Variants in VPS13B observed in about 807,000 individuals in gnomAD.
VPS13B encodes vacuolar protein sorting 13 homolog B.
Under a neutral mutation model 426.4 loss-of-function variants are expected in VPS13B, and 285 were observed. The ratio of observed to expected loss-of-function variants is 0.67; its 90% CI spans 0.61 to 0.74. The LOEUF (loss-of-function observed/expected upper bound fraction) is 0.74. Ranked by LOEUF, VPS13B falls within the 30% of genes least tolerant of loss-of-function variation. The pLI is 0.00. For synonymous variants in VPS13B, 1,676 were observed against 1,676.4 expected (o/e 1.00, Z 0.01); for missense variants, 4,537 against 4,782.6 (o/e 0.95, Z 1.51).
rs1813702823 is a variant in VPS13B, at chr8:99,193,179, G to A, written c.2515+122G>A. On this transcript the variant is annotated intron_variant, in intron 17 of 61. Coordinates refer to ENST00000357162, the MANE Select transcript of VPS13B (RefSeq NM_152564.5). Reference sequence around the variant, plus strand: ...TAAATTGTAATATGTTTCTTTGAATGTAGATATTTATAGCTTATGTTTAAA... The same window carrying A: ...TAAATTGTAATATGTTTCTTTGAATATAGATATTTATAGCTTATGTTTAAA... 4 of 1,016,024 alleles carry A rather than the reference G, an allele frequency of 3.9e-6. No homozygotes were observed. The Admixed American group carries it at 7.0e-5, about 18-fold the overall frequency. 62.9% of individuals were successfully genotyped at this position (1,016,024 alleles called of 1,614,324 possible).
At chr8:99,263,971 G>A (rs1392253196) in intron 17 of VPS13B, among the ~76,000 whole-genome samples, 1 of 152,014 alleles carries the variant, frequency 6.6e-6, no homozygotes, top group Non-Finnish European at 1.5e-5. Context: ...CAGTATGAAC[G>A]TATTATAAAC....
Position 99,143,023 on chromosome 8 carries a change from A to G in VPS13B, c.1701A>G (p.Gly567=), listed in dbSNP as rs1233669833. 1.9e-6 allele frequency: 3 copies of G among 1,613,710 alleles called. No homozygotes were observed. The highest frequency in any genetic ancestry group is 2.5e-6 in the Non-Finnish European group (3 of 1,179,910). Reference sequence around the variant, plus strand: ...CTTCAGGGAAAAGTGAAGATTTGGGAACAGTTCAGGAGAAGTCCACCAAAA... The same window carrying G: ...CTTCAGGGAAAAGTGAAGATTTGGGGACAGTTCAGGAGAAGTCCACCAAAA... ...DFSSGKSEDL[G]TVQEKSTKSL... Residue 567 remains glycine (G), a synonymous_variant, in exon 13 of 62, where the codon GGA becomes GGG. Transcript: ENST00000357162.
chr8:99,875,680 T>C lies in VPS13B; in HGVS notation c.*14T>C. On this transcript the variant is annotated 3_prime_UTR_variant, in exon 62 of 62. Transcript: ENST00000357162. Reference sequence around the variant, plus strand: ...GGGTTTCCTTGAGTCCCCTCTGAGGTGTTTATTCCTGCTTGTGTGATTTAG... The same window carrying C: ...GGGTTTCCTTGAGTCCCCTCTGAGGCGTTTATTCCTGCTTGTGTGATTTAG... 6.2e-7 allele frequency: 1 copy of C among 1,613,566 alleles called. No individual in the cohort carries two copies. The highest frequency in any genetic ancestry group is 1.3e-5 in the African/African-American group (1 of 74,606).
intron 2 of VPS13B, among the ~76,000 whole-genome samples, chr8:99,017,401 G>T (rs1841677022): frequency 6.6e-6 from 1 of 151,878 alleles, no homozygotes; most frequent in African/African-American, 2.4e-5. Context: ...AGACTTGGTT[G>T]GTATCTCAGT....
intron 19 of VPS13B, among the ~76,000 whole-genome samples, chr8:99,287,988 C>T (rs1036926923): frequency 2.0e-5 from 3 of 151,790 alleles, no homozygotes; most frequent in Non-Finnish European, 4.4e-5. Flanking sequence ...ATCCAAGATG[C>T]GTTTGAAAGA....
chr8:99,860,944 C>T (rs1388352325), intron 57 of VPS13B, among the ~76,000 whole-genome samples: 2 of 152,214 alleles, frequency 1.3e-5, no homozygotes, highest in Admixed American at 6.5e-5. Flanking sequence ...ACAATAATTA[C>T]ATCCTCAGAA....
chr8:99,452,658 A>T (rs1320757192), intron 23 of VPS13B, among the ~76,000 whole-genome samples: 2 of 152,216 alleles, frequency 1.3e-5, no homozygotes, highest in African/African-American at 4.8e-5. Context: ...TACGAAATGA[A>T]AAAAAGGGGG....
chr8:99,063,266 C>T (rs183522194), intron 3 of VPS13B, among the ~76,000 whole-genome samples: 7 of 152,304 alleles, frequency 4.6e-5, no homozygotes, highest in Admixed American at 6.5e-5. Context: ...CAGGGCGGGG[C>T]GTCGCCTCAC....
At chr8:99,393,335 T>C (rs1393881670) in intron 21 of VPS13B, among the ~76,000 whole-genome samples, 1 of 152,130 alleles carries the variant, frequency 6.6e-6, no homozygotes, top group Non-Finnish European at 1.5e-5. Flanking sequence ...TTCTTTATTA[T>C]ACTTTATGTT....
intron 39 of VPS13B, among the ~76,000 whole-genome samples, chr8:99,724,229 A>G (rs1833241506): frequency 6.6e-6 from 1 of 152,242 alleles, no homozygotes; most frequent in Non-Finnish European, 1.5e-5. Flanking sequence ...TGGGGGATCC[A>G]GAGACAGATA....
At chr8:99,203,954 AGT>A (rs1159939627) in intron 17 of VPS13B, among the ~76,000 whole-genome samples, 10 of 152,208 alleles carry the variant, frequency 6.6e-5, no homozygotes, top group Non-Finnish European at 1.5e-5. Flanking sequence ...TTATAGATTC[AGT>A]ATATCCCCAT....
intron 21 of VPS13B, among the ~76,000 whole-genome samples, chr8:99,417,296 C>T (rs1816077204): frequency 6.6e-6 from 1 of 152,126 alleles, no homozygotes; most frequent in African/African-American, 2.4e-5. Flanking sequence ...GAAAGGCGAA[C>T]ATAAAATATT....
intron 17 of VPS13B, among the ~76,000 whole-genome samples, chr8:99,221,099 C>T (rs1348679919): frequency 8.5e-6 from 1 of 117,790 alleles, no homozygotes; most frequent in Non-Finnish European, 1.7e-5. Context: ...TCATCCATGT[C>T]CCTACAAAGG....
intron 3 of VPS13B, among the ~76,000 whole-genome samples, chr8:99,086,459 C>T (rs980579898): frequency 1.3e-5 from 2 of 152,206 alleles, no homozygotes; most frequent in Non-Finnish European, 2.9e-5. Context: ...TCTCTCAAAT[C>T]GTCAAAGTCA....
At chr8:99,560,624 C>T (rs1209098515) in intron 31 of VPS13B, among the ~76,000 whole-genome samples, 1 of 152,148 alleles carries the variant, frequency 6.6e-6, no homozygotes, top group East Asian at 1.9e-4. Flanking sequence ...GCACATACAG[C>T]CAGCCAGGGT....
chr8:99,081,507 G>A (rs1845455190), intron 3 of VPS13B, among the ~76,000 whole-genome samples: 1 of 151,684 alleles, frequency 6.6e-6, no homozygotes, highest in Non-Finnish European at 1.5e-5. Flanking sequence ...CATGTGCCAT[G>A]TTGGTGTGCT....
chr8:99,752,370 A>G (rs1810439823), intron 39 of VPS13B, among the ~76,000 whole-genome samples: 1 of 152,194 alleles, frequency 6.6e-6, no homozygotes. Flanking sequence ...GCAGCAAACT[A>G]CAGCCTGTGG....
chr8:99,477,094 C>T (rs867889702), intron 24 of VPS13B, among the ~76,000 whole-genome samples: 1 of 152,064 alleles, frequency 6.6e-6, no homozygotes, highest in Non-Finnish European at 1.5e-5. Context: ...AAATACAAAC[C>T]CCATAACTGT....
chr8:99,067,966 A>G (rs1319424664), intron 3 of VPS13B, among the ~76,000 whole-genome samples: 1 of 152,084 alleles, frequency 6.6e-6, no homozygotes, highest in Non-Finnish European at 1.5e-5. Flanking sequence ...ACACTTTTAG[A>G]TATTTATCAT....
Sources: allele counts gnomAD v4.1 joint callset (sites outside exome capture counted in the v4.1 genomes callset), GRCh38; gene constraint gnomAD v4.1.1; transcripts MANE v1.5; gene names NCBI Gene and HGNC (gene_info 2026-07-23, HGNC 2026-07-21).